The following ATP8A1 variants were observed in gnomAD, a reference collection of about 807,000 sequenced individuals.
ATP8A1 encodes phospholipid-transporting ATPase IA.
A neutral mutation model predicts 177.7 loss-of-function variants in ATP8A1; 90 were observed. That is an observed-to-expected ratio of 0.51 (90% CI 0.43 to 0.60). ATP8A1 has a LOEUF of 0.60. Ranked by LOEUF, ATP8A1 falls within the 20% of genes least tolerant of loss-of-function variation. The pLI is 0.00. For synonymous variants in ATP8A1, 493 were observed against 485.9 expected (o/e 1.01, Z -0.19); for missense variants, 1,072 against 1,392.8 (o/e 0.77, Z 3.67).
At chr4:42,462,236 C>A (rs147489129) in intron 27 of ATP8A1, among the ~76,000 whole-genome samples, 4 of 152,224 alleles carry the variant, frequency 2.6e-5, no homozygotes, top group Non-Finnish European at 5.9e-5. Flanking sequence ...CTCAAGACAA[C>A]GGGGAAAATG....
intron 25 of ATP8A1, among the ~76,000 whole-genome samples, chr4:42,478,519 T>C (rs1458552664): frequency 2.0e-5 from 3 of 151,918 alleles, no homozygotes; most frequent in Non-Finnish European, 4.4e-5. Flanking sequence ...ATATTTTTTC[T>C]AAGGTGAAAT....
intron 9 of ATP8A1, among the ~76,000 whole-genome samples, chr4:42,582,468 A>AAC (rs1259934072): frequency 5.3e-5 from 8 of 151,272 alleles, no homozygotes; most frequent in South Asian, 2.1e-4. Context: ...CCTCAGCCTC[A>AAC]ACACACACAC....
At chr4:42,575,934 T>C (rs1206517381) in intron 12 of ATP8A1, among the ~76,000 whole-genome samples, 2 of 152,178 alleles carry the variant, frequency 1.3e-5, no homozygotes, top group Non-Finnish European at 2.9e-5. Flanking sequence ...TTAGAGCCTG[T>C]CTATGAATCA....
At chr4:42,417,452 A>G (rs1168450753) in intron 35 of ATP8A1, among the ~76,000 whole-genome samples, 1 of 152,176 alleles carries the variant, frequency 6.6e-6, no homozygotes, top group African/African-American at 2.4e-5. Flanking sequence ...AAGCTATGTA[A>G]ATTTTGAGTT....
chr4:42,437,205 A>T (rs1716092851), intron 33 of ATP8A1, among the ~76,000 whole-genome samples: 3 of 152,200 alleles, frequency 2.0e-5, no homozygotes, highest in Non-Finnish European at 4.4e-5. Context: ...TCTGTTATTA[A>T]TCCTGATATG....
chr4:42,597,016 T>C (rs1734788145), intron 6 of ATP8A1, among the ~76,000 whole-genome samples: 1 of 152,172 alleles, frequency 6.6e-6, no homozygotes, highest in African/African-American at 2.4e-5. Context: ...AGTTAACCTT[T>C]TGCAACAGGG....
chr4:42,648,806 AT>A (rs759021759), intron 1 of ATP8A1, among the ~76,000 whole-genome samples: 14 of 152,182 alleles, frequency 9.2e-5, no homozygotes, highest in African/African-American at 1.4e-4. Flanking sequence ...TCAGAAAAAA[AT>A]AATCACTACA....
rs538923269 is a variant in ATP8A1 at position 42,471,848 on chromosome 4, C to T, written c.2325-6772G>A. ...GCACCAAGACTGTGAAGCCCAACAG[C>T]GAGACGCCAAACGAGTTAAGAGTCC... On this transcript the variant is annotated intron_variant, in intron 25 of 36. Coordinates refer to ENST00000381668, the MANE Select transcript of ATP8A1 (RefSeq NM_006095.2). 248 of 581,382 alleles carry T rather than the reference C, an allele frequency of 4.3e-4. 3 individuals are homozygous for T. The highest frequency in any genetic ancestry group is 3.5e-3 in the South Asian group (234 of 66,966). 36.0% of individuals were successfully genotyped at this position (581,382 alleles called of 1,614,324 possible).
chr4:42,487,136 T>C, intron 24 of ATP8A1, among the ~76,000 whole-genome samples: 1 of 152,168 alleles, frequency 6.6e-6, no homozygotes. Context: ...TGATGTTGTA[T>C]TTAGTTGGGG....
At chr4:42,434,253 G>A (rs1715653947) in intron 33 of ATP8A1, among the ~76,000 whole-genome samples, 2 of 152,104 alleles carry the variant, frequency 1.3e-5, no homozygotes, top group African/African-American at 4.8e-5. Flanking sequence ...GTATGAGACA[G>A]GGTATGATAT....
chr4:42,447,789 G>A (rs1037983455), intron 30 of ATP8A1, among the ~76,000 whole-genome samples: 1 of 152,146 alleles, frequency 6.6e-6, no homozygotes, highest in Non-Finnish European at 1.5e-5. Flanking sequence ...GTCATTTTGG[G>A]TTATTTATAA....
rs543189571 is a variant in ATP8A1 at position 42,621,869 on chromosome 4, T to C, written c.363+2667A>G. On this transcript the variant is annotated intron_variant, in intron 4 of 36. Transcript: ENST00000381668. Reference sequence around the variant, plus strand: ...TACAGTAACCACAATAACATGGTACTAGTAGGAGAACACACATAGACCAAT... The same window carrying C: ...TACAGTAACCACAATAACATGGTACCAGTAGGAGAACACACATAGACCAAT... Among the ~76,000 whole-genome samples the C allele has an allele frequency of 1.4e-3, 220 of 152,252 alleles. 1 individual carries two copies. The highest frequency in any genetic ancestry group is 5.1e-3 in the African/African-American group (211 of 41,536).
At chr4:42,592,453 G>A (rs766020398) in intron 6 of ATP8A1, among the ~76,000 whole-genome samples, 2 of 152,078 alleles carry the variant, frequency 1.3e-5, no homozygotes, top group East Asian at 1.9e-4. Context: ...GGGCAGTATA[G>A]TCGATTATCT....
intron 27 of ATP8A1, among the ~76,000 whole-genome samples, chr4:42,459,793 T>C (rs1360350215): frequency 6.6e-6 from 1 of 152,152 alleles, no homozygotes; most frequent in Non-Finnish European, 1.5e-5. Flanking sequence ...TTAATTTTTA[T>C]TTATTTATTT....
Position 42,409,416 on chromosome 4 carries a change from A to G in ATP8A1, c.*3500T>C, listed in dbSNP as rs1172550824. The G allele has an allele frequency of 6.6e-6, 1 of 152,172 alleles. No individual in the cohort carries two copies. The allele number at this position is 152,172 out of a possible 1,614,324, so 9.4% of individuals were successfully genotyped here. On this transcript the variant is annotated 3_prime_UTR_variant, in exon 37 of 37. Coordinates refer to ENST00000381668, the MANE Select transcript of ATP8A1 (RefSeq NM_006095.2). ...AATGTGAGAAAAATCAGACTATGGTATCTTACGAGTCATTATAGAAATGTT... is the reference window on the plus strand; with the variant it reads ...AATGTGAGAAAAATCAGACTATGGTGTCTTACGAGTCATTATAGAAATGTT...
chr4:42,590,966 A>G (rs531778409), intron 6 of ATP8A1, 82 bp from the exon 7 acceptor site: 12 of 1,266,926 alleles, frequency 9.5e-6, no homozygotes, highest in South Asian at 9.0e-5. Context: ...TGGACAAAAG[A>G]GACAGAAAGT....
chr4:42,460,292 G>A lies in ATP8A1; in HGVS notation c.2619+4398C>T, dbSNP rs111865314. Among the ~76,000 whole-genome samples the A allele has an allele frequency of 9.4e-3, 1,419 of 151,008 alleles. 11 individuals are homozygous for A. The highest frequency in any genetic ancestry group is 0.031 in the African/African-American group (1,277 of 41,274). On this transcript the variant is annotated intron_variant, in intron 27 of 36. Coordinates refer to ENST00000381668, the MANE Select transcript of ATP8A1 (RefSeq NM_006095.2). Reference sequence around the variant, plus strand: ...AAGCAAATATACACCAGCCCCCAACGAAAGTGTCAACGTACTGACTTTGTT... The same window carrying A: ...AAGCAAATATACACCAGCCCCCAACAAAAGTGTCAACGTACTGACTTTGTT...
intron 35 of ATP8A1, among the ~76,000 whole-genome samples, chr4:42,422,153 T>C (rs889647126): frequency 6.6e-6 from 1 of 152,090 alleles, no homozygotes; most frequent in East Asian, 1.9e-4. Flanking sequence ...GTGCAGTGGC[T>C]TGATTTCGGC....
At chr4:42,448,396 C>CTTTACATTTTTTTTTTTTTTTTT (rs778022629) in intron 30 of ATP8A1, among the ~76,000 whole-genome samples, 1 of 84,132 alleles carries the variant, frequency 1.2e-5, no homozygotes, top group Non-Finnish European at 2.3e-5. Context: ...CCTTCTCTTT[C>CTTTACATTTTTTTTTTTTTTTTT]TTTTCTTTTT....
Sources: allele counts gnomAD v4.1 joint callset (sites outside exome capture counted in the v4.1 genomes callset), GRCh38; gene constraint gnomAD v4.1.1; transcripts MANE v1.5; gene names NCBI Gene and HGNC (gene_info 2026-07-23, HGNC 2026-07-21).